The following TPTE2 variants were observed in gnomAD, a reference collection of about 807,000 sequenced individuals.
TPTE2 encodes transmembrane phosphoinositide 3-phosphatase and tensin homolog 2.
A neutral mutation model predicts 78.6 loss-of-function variants in TPTE2; 53 were observed. The observed-to-expected ratio is 0.67, with a 90% CI of 0.54 to 0.85. The LOEUF (loss-of-function observed/expected upper bound fraction) is 0.85, where lower values mean the gene tolerates loss of function less well. Ranked by LOEUF, TPTE2 falls within the 40% of genes least tolerant of loss-of-function variation. The probability of loss-of-function intolerance (pLI) is 0.00; values close to 1 mark genes in which losing one functional copy is unlikely to be tolerated. For missense variants in TPTE2, 461 were observed against 623.0 expected (o/e 0.74, Z 2.77); for synonymous variants, 175 against 206.2 (o/e 0.85, Z 1.30).
intron 7 of TPTE2, 99 bp downstream of exon 10, chr13:19,467,126 G>T: frequency 7.4e-7 from 1 of 1,354,812 alleles, no homozygotes; most frequent in Non-Finnish European, 1.0e-6. Flanking sequence ...TGGTATAGAT[G>T]AGAACATTTG....
intron 13 of TPTE2, among the ~76,000 whole-genome samples, chr13:19,444,027 G>C (rs540862961): frequency 2.0e-5 from 3 of 151,908 alleles, no homozygotes. Flanking sequence ...GGCTGGGCAC[G>C]GTGGCTCAGA....
At chr13:19,422,982 G>A (rs1467844880) in exon 20 of TPTE2, 27 of 1,560,042 alleles carry the variant, frequency 1.7e-5, no homozygotes, top group East Asian at 2.3e-5. Context: ...TGTGGCAGGG[G>A]TTGGAAAGAA....
the TPTE2 span, among the ~76,000 whole-genome samples, chr13:19,548,856 C>A: frequency 1.5e-4 from 19 of 126,822 alleles, no homozygotes; most frequent in African/African-American, 4.6e-4. Context: ...CGGTGACTTA[C>A]TCCTGTAATC....
At chr13:19,561,168 G>A in the TPTE2 span, 4 of 1,583,082 alleles carry the variant, frequency 2.5e-6, no homozygotes, top group Admixed American at 3.4e-5. Flanking sequence ...GGAGGCTCGG[G>A]TCTCTGTCTC....
At chr13:19,551,332 G>A in the TPTE2 span, among the ~76,000 whole-genome samples, 5 of 152,160 alleles carry the variant, frequency 3.3e-5, no homozygotes, top group African/African-American at 4.8e-5. Context: ...GTTCACGCCT[G>A]TAATCCCAGC....
Position 19,432,548 on chromosome 13 carries a change from T to C in TPTE2, c.1147A>G (p.Lys383Glu), listed in dbSNP as rs1167521152. ...GGGAGATTCCAGTTGTAGAGATGTT[T>C]CACTTGTGCAAAATATCCAACATAT... is the stretch of plus-strand genomic sequence containing the variant. The change falls in exon 16 of 20, where the codon AAA becomes GAA. Residue 383 changes from lysine (K) to glutamate (E), a missense_variant. Coordinates refer to ENST00000400230, the Ensembl canonical transcript of TPTE2. 6.2e-7 allele frequency: 1 copy of C among 1,604,736 alleles called. No homozygotes were observed. Among genetic ancestry groups the C allele is most frequent in the Non-Finnish European group, 8.5e-7 (1 of 1,175,054 alleles).
At position 19,434,528 on chromosome 13, in the gene TPTE2, G is replaced by C. The variant is rs529246922; in HGVS notation, c.1116+1698C>G. Among the ~76,000 whole-genome samples the C allele has an allele frequency of 7.9e-5, 12 of 152,332 alleles. 1 individual carries two copies. In the South Asian group the frequency reaches 2.3e-3, roughly 29 times the overall value. ...TTTGAGCATGGAAATGGCATGTTTA[G>C]GGCTGCACTTCAGTAAATTCACCTA... is the stretch of plus-strand genomic sequence containing the variant. On this transcript the variant is annotated intron_variant, in intron 15 of 19. Coordinates refer to ENST00000400230, the Ensembl canonical transcript of TPTE2.
intron 7 of TPTE2, among the ~76,000 whole-genome samples, chr13:19,466,625 T>C (rs1879283280): frequency 6.6e-6 from 1 of 152,240 alleles, no homozygotes; most frequent in Non-Finnish European, 1.5e-5. Context: ...CTACCACAAC[T>C]ATACTGCAAA....
intron 3 of TPTE2, among the ~76,000 whole-genome samples, chr13:19,491,969 C>T (rs1881017300): frequency 1.3e-5 from 2 of 152,156 alleles, no homozygotes. Context: ...TGAGCAACTA[C>T]AGAATTCTTA....
intron 1 of TPTE2, among the ~76,000 whole-genome samples, chr13:19,501,344 G>T (rs1275559449): frequency 8.1e-6 from 1 of 122,854 alleles, no homozygotes; most frequent in African/African-American, 3.1e-5. Context: ...ACATCGCCAA[G>T]TCAATCCTAA....
intron 6 of TPTE2, among the ~76,000 whole-genome samples, chr13:19,469,016 T>C (rs1461257571): frequency 6.6e-6 from 1 of 152,230 alleles, no homozygotes; most frequent in African/African-American, 2.4e-5. Flanking sequence ...GAAGCAGTTT[T>C]TTAACTTGAT....
At chr13:19,448,808 G>T (rs1877997148) in intron 13 of TPTE2, among the ~76,000 whole-genome samples, 1 of 152,156 alleles carries the variant, frequency 6.6e-6, no homozygotes, top group Non-Finnish European at 1.5e-5. Context: ...TTCCACTTCT[G>T]GGTATATATC....
At chr13:19,527,606 G>A (rs1200962861) in intron 1 of TPTE2, among the ~76,000 whole-genome samples, 3 of 152,206 alleles carry the variant, frequency 2.0e-5, no homozygotes, top group East Asian at 3.9e-4. Flanking sequence ...TGCGTGTGGT[G>A]GCTCACGCCT....
At chr13:19,534,325 G>A (rs1479721290) in intron 1 of TPTE2, among the ~76,000 whole-genome samples, 1 of 152,160 alleles carries the variant, frequency 6.6e-6, no homozygotes, top group Non-Finnish European at 1.5e-5. Flanking sequence ...TCATAAAGTT[G>A]AAAAATTTTA....
chr13:19,533,757 C>T (rs1332634117), intron 1 of TPTE2, among the ~76,000 whole-genome samples: 1 of 152,156 alleles, frequency 6.6e-6, no homozygotes, highest in Admixed American at 6.5e-5. Context: ...AAGTTTCTGA[C>T]TCCAAAGCAG....
At chr13:19,450,278 T>G (rs1878093539) in exon 12 of TPTE2, 5 of 1,611,338 alleles carry the variant, frequency 3.1e-6, no homozygotes, top group Non-Finnish European at 4.2e-6. Flanking sequence ...AGTGGGGACA[T>G]TATGATCATC....
intron 1 of TPTE2, among the ~76,000 whole-genome samples, chr13:19,519,404 T>C (rs1206015357): frequency 6.6e-6 from 1 of 152,168 alleles, no homozygotes; most frequent in Non-Finnish European, 1.5e-5. Flanking sequence ...TCTAAGAGCA[T>C]AGTTTTGGAT....
At chr13:19,436,086 G>C (rs1877061751) in intron 15 of TPTE2, 140 bp downstream of exon 18, 2 of 647,492 alleles carry the variant, frequency 3.1e-6, no homozygotes, top group South Asian at 2.0e-5. Flanking sequence ...GACTCAGGGA[G>C]GGACCAAGGC....
At chr13:19,508,662 A>G (rs1342431465) in intron 1 of TPTE2, among the ~76,000 whole-genome samples, 4 of 152,208 alleles carry the variant, frequency 2.6e-5, no homozygotes, top group African/African-American at 7.2e-5. Flanking sequence ...AACATACTAA[A>G]GAAAAGAAGA....
Sources: gnomAD v4.1 joint callset for allele counts (sites outside exome capture counted in the v4.1 genomes callset) on GRCh38, gnomAD v4.1.1 for gene constraint, MANE v1.5 for transcripts, NCBI Gene and HGNC (gene_info 2026-07-23, HGNC 2026-07-21) for gene names.